Variants in PREX2 observed in about 807,000 individuals in gnomAD.
The protein encoded by PREX2 is phosphatidylinositol-3,4,5-trisphosphate dependent Rac exchange factor 2.
A neutral mutation model predicts 203.2 loss-of-function variants in PREX2; 107 were observed. The observed-to-expected ratio is 0.53, with a 90% CI of 0.45 to 0.62. The LOEUF (loss-of-function observed/expected upper bound fraction) is 0.62, where lower values mean the gene tolerates loss of function less well. Among genes scored for constraint, PREX2 ranks in the 20% least tolerant of loss-of-function variants. The pLI, the probability that PREX2 is intolerant of heterozygous loss-of-function variation, is 0.00. For missense variants in PREX2, 1,777 were observed against 1,955.9 expected (o/e 0.91, Z 1.72); for synonymous variants, 672 against 663.6 (o/e 1.01, Z -0.19).
At chr8:68,093,976 T>C (rs1302403272) in intron 21 of PREX2, among the ~76,000 whole-genome samples, 1 of 152,196 alleles carries the variant, frequency 6.6e-6, no homozygotes, top group African/African-American at 2.4e-5. Flanking sequence ...AAAATGGAAA[T>C]GAATATCATC....
Position 68,224,625 on chromosome 8 carries a change from A to G in PREX2, c.4774A>G (p.Arg1592Gly), listed in dbSNP as rs371954703. ...AGACCGGACTCCACAGTCTGCACCAAGGTAAGTGCATCCCCTGCTCTGCCC... is the reference window on the plus strand; with the variant it reads ...AGACCGGACTCCACAGTCTGCACCAGGGTAAGTGCATCCCCTGCTCTGCCC... ...VRDRTPQSAP[R>G]LYKLCEPPPP... Residue 1592 changes from arginine (R) to glycine (G), a missense_variant and splice_region_variant, in exon 39 of 40, where the codon AGG becomes GGG. Coordinates refer to ENST00000288368, the MANE Select transcript of PREX2 (RefSeq NM_024870.4). The G allele has an allele frequency of 5.6e-6, 9 of 1,612,202 alleles. No individual in the cohort carries two copies. Among genetic ancestry groups the G allele is most frequent in the Non-Finnish European group, 7.6e-6 (9 of 1,178,628 alleles).
rs3834877 is a variant in PREX2, at chr8:68,056,218, T to TC, written c.1238+247dup. Among the ~76,000 whole-genome samples the TC allele has an allele frequency of 3.2e-3, 487 of 152,084 alleles. 2 individuals carry two copies. The highest frequency in any genetic ancestry group is 0.026 in the East Asian group (133 of 5,152). ...TTCTGAGATTTCTGATATGTCATGATCCCGGGGGAAAGTGAGGTTGGGGCC... is the reference window on the plus strand; with the variant it reads ...TTCTGAGATTTCTGATATGTCATGATCCCCGGGGGAAAGTGAGGTTGGGGCC... On this transcript the variant is annotated intron_variant, in intron 10 of 39. Coordinates refer to ENST00000288368, the MANE Select transcript of PREX2 (RefSeq NM_024870.4).
At chr8:68,108,704 G>A (rs1007126724) in intron 24 of PREX2, among the ~76,000 whole-genome samples, 6 of 152,140 alleles carry the variant, frequency 3.9e-5, no homozygotes, top group Non-Finnish European at 7.3e-5. Context: ...AGTAGGACAA[G>A]GGATCAAACT....
chr8:68,162,839 A>G (rs949460654), intron 35 of PREX2, among the ~76,000 whole-genome samples: 1 of 152,210 alleles, frequency 6.6e-6, no homozygotes, highest in Non-Finnish European at 1.5e-5. Flanking sequence ...CCAGATCTAC[A>G]TGCTCAAATC....
chr8:68,149,278 T>C (rs1811386409), intron 34 of PREX2, among the ~76,000 whole-genome samples: 1 of 152,130 alleles, frequency 6.6e-6, no homozygotes, highest in Non-Finnish European at 1.5e-5. Context: ...GACCAGCTAT[T>C]AGATCAGGAA....
chr8:68,011,968 C>G (rs1263966046), intron 1 of PREX2, among the ~76,000 whole-genome samples: 1 of 152,094 alleles, frequency 6.6e-6, no homozygotes, highest in Admixed American at 6.6e-5. Context: ...GTAACTTTCA[C>G]CTTTAATTTT....
intron 35 of PREX2, among the ~76,000 whole-genome samples, chr8:68,163,656 GA>G (rs1811696091): frequency 6.6e-6 from 1 of 152,136 alleles, no homozygotes; most frequent in South Asian, 2.1e-4. Flanking sequence ...AGAGCAATTA[GA>G]TTTTTTTAAA....
intron 6 of PREX2, among the ~76,000 whole-genome samples, chr8:68,035,439 T>C (rs1166496956): frequency 6.6e-6 from 1 of 152,144 alleles, no homozygotes; most frequent in Non-Finnish European, 1.5e-5. Flanking sequence ...TCATCTTTCA[T>C]CTTTTCCAAG....
rs143724809 is a variant in PREX2, at chr8:68,152,048, G to C, written c.4232-5274G>C. 8.2e-3 allele frequency among the ~76,000 whole-genome samples: 1,237 copies of C among 151,772 alleles called. 4 individuals are homozygous for C. Among genetic ancestry groups the C allele is most frequent in the African/African-American group, 0.013 (522 of 41,416 alleles). ...CTCACGCCTGTAATCCCAGCACTTT[G>C]GGAGGCTGAGGTGGGTGGATCACGA... On this transcript the variant is annotated intron_variant, in intron 34 of 39. Coordinates refer to ENST00000288368, the MANE Select transcript of PREX2 (RefSeq NM_024870.4).
At chr8:67,986,472 G>A (rs1041854542) in intron 1 of PREX2, among the ~76,000 whole-genome samples, 14 of 142,156 alleles carry the variant, frequency 9.8e-5, no homozygotes, top group African/African-American at 2.7e-4. Flanking sequence ...CAGGTGGCTT[G>A]ACTACAGGTG....
intron 25 of PREX2, among the ~76,000 whole-genome samples, chr8:68,115,281 G>C (rs1368063553): frequency 2.0e-5 from 3 of 152,138 alleles, no homozygotes; most frequent in Non-Finnish European, 4.4e-5. Context: ...GCCTGCCTTG[G>C]CCTCCCAAAG....
At chr8:68,057,698 G>T (rs1257932088) in intron 10 of PREX2, among the ~76,000 whole-genome samples, 6 of 152,120 alleles carry the variant, frequency 3.9e-5, no homozygotes, top group Non-Finnish European at 8.8e-5. Context: ...GTCCTCACTG[G>T]GATATGCCCA....
At chr8:68,182,168 A>T (rs1460350904) in intron 35 of PREX2, among the ~76,000 whole-genome samples, 1 of 152,150 alleles carries the variant, frequency 6.6e-6, no homozygotes, top group African/African-American at 2.4e-5. Flanking sequence ...CTAGTGCAAA[A>T]GTATATAAGC....
At chr8:68,047,474 T>TATATATATATATATATATACAC (rs1370741058) in intron 8 of PREX2, among the ~76,000 whole-genome samples, 21 of 4,094 alleles carry the variant, frequency 5.1e-3, no homozygotes, top group African/African-American at 0.027. Context: ...TGAATTTATA[T>TATATATATATATATATATACAC]ATATATATAT....
chr8:67,955,323 C>T (rs573569848), intron 1 of PREX2, among the ~76,000 whole-genome samples: 10 of 152,256 alleles, frequency 6.6e-5, no homozygotes, highest in African/African-American at 2.4e-4. Flanking sequence ...CCTTTCTTCT[C>T]TAAGCTAAGG....
intron 35 of PREX2, among the ~76,000 whole-genome samples, chr8:68,172,991 A>C (rs1264192870): frequency 6.6e-6 from 1 of 152,186 alleles, no homozygotes; most frequent in Non-Finnish European, 1.5e-5. Context: ...GCTGGAATTA[A>C]TCAATCACTC....
At chr8:68,025,437 T>C (rs1268109568) in intron 4 of PREX2, among the ~76,000 whole-genome samples, 3 of 152,072 alleles carry the variant, frequency 2.0e-5, no homozygotes, top group Admixed American at 6.6e-5. Flanking sequence ...TTCTAGATTT[T>C]CTCTTTGTGT....
rs574416774 is a variant in PREX2, at chr8:68,227,857, C to T, written c.4775+3231C>T. On this transcript the variant is annotated intron_variant, in intron 39 of 39. Coordinates refer to ENST00000288368, the MANE Select transcript of PREX2 (RefSeq NM_024870.4). ...AATTCTGAGGTAGGTAAAGCCTGCT[C>T]TGGGGAGGGATGTTTCTTGGACACC... Among the ~76,000 whole-genome samples, 8 of 152,278 alleles carry T rather than the reference C, an allele frequency of 5.3e-5. No homozygotes were observed. In the South Asian group the frequency reaches 1.2e-3, roughly 24 times the overall value.
chr8:67,991,995 C>T (rs551996382), intron 1 of PREX2, among the ~76,000 whole-genome samples: 10 of 152,322 alleles, frequency 6.6e-5, no homozygotes, highest in South Asian at 4.2e-4. Context: ...TCCTTGTTCA[C>T]GTGAGCTCTA....
Sources: allele counts gnomAD v4.1 joint callset (sites outside exome capture counted in the v4.1 genomes callset), GRCh38; gene constraint gnomAD v4.1.1; transcripts MANE v1.5; gene names NCBI Gene and HGNC (gene_info 2026-07-23, HGNC 2026-07-21).